SEPTIN9: variants seen among roughly 807,000 people sequenced by gnomAD.
SEPTIN9 encodes the protein septin 9, also known as septin-9.
A neutral mutation model predicts 56.6 loss-of-function variants in SEPTIN9; 13 were observed. That is an observed-to-expected ratio of 0.23 (90% CI 0.15 to 0.37). The LOEUF is 0.37. Among genes scored for constraint, SEPTIN9 ranks in the 10% least tolerant of loss-of-function variants. The pLI is 1.00. For synonymous variants in SEPTIN9, 332 were observed against 334.1 expected (o/e 0.99, Z 0.07); for missense variants, 650 against 823.1 (o/e 0.79, Z 2.57).
intron 3 of SEPTIN9, among the ~76,000 whole-genome samples, chr17:77,431,308 T>TCAAAAAACAAAACACAAA (rs1404867197): frequency 2.0e-5 from 3 of 152,120 alleles, no homozygotes; most frequent in Non-Finnish European, 4.4e-5. Flanking sequence ...AGACCCTGTC[T>TCAAAAAACAAAACACAAA]CAAAAAACAA....
rs1417258015 is a variant in SEPTIN9, at chr17:77,490,788, G to A, written c.1309G>A (p.Val437Ile). The A allele has an allele frequency of 1.3e-6, 2 of 1,594,274 alleles. No homozygotes were observed. The highest frequency in any genetic ancestry group is 1.7e-6 in the Non-Finnish European group (2 of 1,170,236). The change falls in exon 8 of 12, where the codon GTC becomes ATC. Residue 437 changes from valine to isoleucine, a missense_variant. Val to Ile is a conservative substitution (Grantham distance 29). This residue lies in a region of SEPTIN9 where 333 missense variants were observed against 494.0 expected (regional missense o/e 0.67). Coordinates refer to ENST00000427177, the MANE Select transcript of SEPTIN9 (RefSeq NM_001113491.2). ...IEFMKRLSKV[V>I]NIVPVIAKAD... is the part of the protein sequence containing the mutation. ...GTTTATGAAACGCCTGAGCAAGGTG[G>A]TCAACATCGTCCCTGTCATCGCCAA... is the stretch of plus-strand genomic sequence containing the variant.
rs1178060031 is a variant in SEPTIN9, at chr17:77,358,218, G to C, written c.77-43841G>C. Among the ~76,000 whole-genome samples, 3 of 152,298 alleles carry C rather than the reference G, an allele frequency of 2.0e-5. No individual in the cohort carries two copies. The East Asian group carries it at 5.8e-4, about 29-fold the overall frequency. ...GGCCTCAGCACCTGGCGATGTTTTG[G>C]GGGTGTGAGCAGCCCAGCCTACTCT... On this transcript the variant is annotated intron_variant, in intron 2 of 11. Coordinates refer to ENST00000427177, the MANE Select transcript of SEPTIN9 (RefSeq NM_001113491.2).
intron 7 of SEPTIN9, 47 bp from the exon 8 acceptor site, chr17:77,490,695 C>T (rs368432036): frequency 1.2e-5 from 17 of 1,438,226 alleles, no homozygotes; most frequent in Admixed American, 3.9e-5. Context: ...TGCCCCCCCA[C>T]TGCCCCGCTC....
rs931207321 is a variant in SEPTIN9, at chr17:77,451,638, C to G, written c.722-30506C>G. 26 of 840,650 alleles carry G rather than the reference C, an allele frequency of 3.1e-5. No homozygotes were observed. In the Admixed American group the frequency reaches 1.1e-3, roughly 34 times the overall value. The allele number at this position is 840,650 out of a possible 1,614,324, so 52.1% of individuals were successfully genotyped here. On this transcript the variant is annotated intron_variant, in intron 3 of 11. Coordinates refer to ENST00000427177, the MANE Select transcript of SEPTIN9 (RefSeq NM_001113491.2). The surrounding 1 kb of genome is among the most constrained non-coding windows in gnomAD (Gnocchi z 4.2). ...TGGCCATGGTGGCGGTGCCGGGAGC[C>G]ACGCTGTCCCTGGGCCCCGGCCCGA...
chr17:77,294,614 C>G (rs989174230), intron 1 of SEPTIN9: 9 of 158,526 alleles, frequency 5.7e-5, no homozygotes, highest in Admixed American at 4.6e-4. Context: ...TGATTCCCAT[C>G]AAGAAAGAAG....
intron 2 of SEPTIN9, among the ~76,000 whole-genome samples, chr17:77,366,120 T>C (rs1249218934): frequency 1.3e-5 from 2 of 152,180 alleles, no homozygotes; most frequent in Non-Finnish European, 2.9e-5. Flanking sequence ...TGTGCTTTAG[T>C]CACTGGCTGC....
rs558668939 is a variant in SEPTIN9 at position 77,319,155 on chromosome 17, C to T, written c.76+11958C>T. Among the ~76,000 whole-genome samples, 129 of 152,320 alleles carry T rather than the reference C, an allele frequency of 8.5e-4. No homozygotes were observed. Among genetic ancestry groups the T allele is most frequent in the African/African-American group, 1.8e-3 (75 of 41,572 alleles). ...GGCTTGGGCCAACAGAACCAGCCTC[C>T]GTGTCTCGGGTTTGAATGAACCCTT... On this transcript the variant is annotated intron_variant, in intron 2 of 11. Transcript: ENST00000427177. This position sits in a 1 kb window ranked among gnomAD's most constrained non-coding sequence, Gnocchi z 5.3.
chr17:77,481,600 C>G (rs1235596787), intron 3 of SEPTIN9, among the ~76,000 whole-genome samples: 1 of 152,180 alleles, frequency 6.6e-6, no homozygotes, highest in African/African-American at 2.4e-5. Context: ...CACGCTGGTT[C>G]TATCCCCGTT....
chr17:77,339,266 G>A (rs55864301), intron 2 of SEPTIN9, among the ~76,000 whole-genome samples: 134 of 152,242 alleles, frequency 8.8e-4, no homozygotes, highest in Non-Finnish European at 1.7e-3. Context: ...ACTTTGCCCA[G>A]ATCCATTAGA....
In SEPTIN9 at chr17:77,434,398, G is replaced by C. The variant is rs1201072919; in HGVS notation, c.721+31695G>C. Among the ~76,000 whole-genome samples, 1 of 152,224 alleles carries C rather than the reference G, an allele frequency of 6.6e-6. No homozygotes were observed. Among genetic ancestry groups the C allele is most frequent in the Non-Finnish European group, 1.5e-5 (1 of 68,036 alleles). On this transcript the variant is annotated intron_variant, in intron 3 of 11. Transcript: ENST00000427177. The surrounding 1 kb of genome is among the most constrained non-coding windows in gnomAD (Gnocchi z 5.0). ...CTGCTGGTGGGTGGCTGAGGCTGCG[G>C]TGAGGTCTCCATGGCTCCCTCGTCC...
chr17:77,395,868 T>C (rs1446619317), intron 2 of SEPTIN9, among the ~76,000 whole-genome samples: 2 of 152,272 alleles, frequency 1.3e-5, no homozygotes, highest in Admixed American at 6.5e-5. Flanking sequence ...AAACCCGGAC[T>C]GTTTCCAGGT....
chr17:77,383,382 C>T (rs1045249799), intron 2 of SEPTIN9, among the ~76,000 whole-genome samples: 35 of 152,264 alleles, frequency 2.3e-4, no homozygotes, highest in African/African-American at 7.5e-4. Flanking sequence ...TTAATCCCCA[C>T]GAGAGCCCAA....
At chr17:77,407,282 C>CAAAAA (rs58585658) in intron 3 of SEPTIN9, among the ~76,000 whole-genome samples, 24 of 44,598 alleles carry the variant, frequency 5.4e-4, no homozygotes, top group Admixed American at 1.0e-3. Context: ...GACCCTGTCT[C>CAAAAA]AAAAAAAAAA....
Position 77,327,008 on chromosome 17 carries a change from CT to C in SEPTIN9, c.76+19812del, listed in dbSNP as rs1201999161. Among the ~76,000 whole-genome samples, 1 of 152,096 alleles carries C rather than the reference CT, an allele frequency of 6.6e-6. No homozygotes were observed. The highest frequency in any genetic ancestry group is 1.5e-5 in the Non-Finnish European group (1 of 68,004). Reference sequence around the variant, plus strand: ...TACCTTGCCCTACACATCTCTTCCCCTGTATCCTTTGTAATATCCTTTATAA... The same window carrying C: ...TACCTTGCCCTACACATCTCTTCCCCGTATCCTTTGTAATATCCTTTATAA... On this transcript the variant is annotated intron_variant, in intron 2 of 11. Transcript: ENST00000427177. The surrounding 1 kb of genome is among the most constrained non-coding windows in gnomAD (Gnocchi z 5.0).
intron 3 of SEPTIN9, among the ~76,000 whole-genome samples, chr17:77,412,879 T>G (rs2036353017): frequency 6.6e-6 from 1 of 150,646 alleles, no homozygotes; most frequent in South Asian, 2.1e-4. Flanking sequence ...TTTTAGCTTT[T>G]GGAATTCACA....
intron 3 of SEPTIN9, among the ~76,000 whole-genome samples, chr17:77,409,982 T>C (rs139426881): frequency 5.8e-4 from 88 of 152,316 alleles, no homozygotes; most frequent in African/African-American, 2.0e-3. Context: ...TTCTGAGAGC[T>C]GCAGGGAGGC....
chr17:77,466,090 ACACACACACACACACACG>A (rs1403121160), intron 3 of SEPTIN9, among the ~76,000 whole-genome samples: 1 of 146,120 alleles, frequency 6.8e-6, no homozygotes, highest in African/African-American at 2.5e-5. Flanking sequence ...ACACACACAC[ACACACACACACACACACG>A]AGTAAACTGT....
chr17:77,394,032 C>T (rs2035626448), intron 2 of SEPTIN9, among the ~76,000 whole-genome samples: 1 of 152,218 alleles, frequency 6.6e-6, no homozygotes, highest in African/African-American at 2.4e-5. Flanking sequence ...TGTGCAGGCC[C>T]ATACGTCCTG....
At chr17:77,426,641 G>A (rs1305043410) in intron 3 of SEPTIN9, among the ~76,000 whole-genome samples, 1 of 152,168 alleles carries the variant, frequency 6.6e-6, no homozygotes, top group Non-Finnish European at 1.5e-5. Flanking sequence ...AGACCTCCTG[G>A]CCGCCTCATT....
Sources: allele counts gnomAD v4.1 joint callset (sites outside exome capture counted in the v4.1 genomes callset), GRCh38; gene constraint gnomAD v4.1.1; regional missense constraint gnomAD v4.1.1; non-coding constraint Gnocchi (gnomAD v3.1); transcripts MANE v1.5; gene names NCBI Gene and HGNC (gene_info 2026-07-23, HGNC 2026-07-21).